SSC4D: variants seen among roughly 807,000 people sequenced by gnomAD.
SSC4D encodes the protein scavenger receptor cysteine-rich domain-containing group B protein.
Under a neutral mutation model 63.4 loss-of-function variants are expected in SSC4D, and 57 were observed. That is an observed-to-expected ratio of 0.90 (90% CI 0.73 to 1.12). The LOEUF is 1.12. SSC4D is among the 50% of genes most tolerant of loss of function. The pLI is 0.00. For synonymous variants in SSC4D, 352 were observed against 345.4 expected (o/e 1.02, Z -0.21); for missense variants, 791 against 806.4 (o/e 0.98, Z 0.23).
rs1804555193 is a variant in SSC4D at position 76,393,633 on chromosome 7, A to T, written c.1105T>A (p.Cys369Ser). 3 of 1,493,534 alleles carry T rather than the reference A, an allele frequency of 2.0e-6. No individual in the cohort carries two copies. The highest frequency in any genetic ancestry group is 2.7e-6 in the Non-Finnish European group (3 of 1,127,768). 92.5% of individuals were successfully genotyped at this position (1,493,534 alleles called of 1,614,324 possible). ...VLHAGGWGTV[C>S]DDDWDFADAR... The stretch of plus-strand genomic sequence containing the variant: ...TCCGCAAAGTCCCAGTCATCGTCGC[A>T]CACGGTGCCCCAGCCCCCGGCGTGC... The change falls in exon 9 of 11, where the codon TGC becomes AGC. Residue 369 changes from cysteine to serine, a missense_variant. Physicochemically the swap from Cys to Ser is moderately radical, Grantham distance 112 (BLOSUM62 -1). Coordinates refer to ENST00000275560, the MANE Select transcript of SSC4D (RefSeq NM_080744.2).
At chr7:76,396,268 A>T (rs1804637203) in intron 6 of SSC4D, among the ~76,000 whole-genome samples, 1 of 152,194 alleles carries the variant, frequency 6.6e-6, no homozygotes. Context: ...TCTCCATGAG[A>T]TACGCCCACT....
intron 7 of SSC4D, 144 bp from the exon 8 acceptor site, chr7:76,394,048 T>C (rs947251962): frequency 5.2e-6 from 4 of 764,784 alleles, no homozygotes; most frequent in Non-Finnish European, 8.1e-6. Context: ...CACCACGTTG[T>C]CTGGCGCGGG....
At chr7:76,400,870 G>A in intron 3 of SSC4D, 138 bp downstream of exon 3, 1 of 1,251,176 alleles carries the variant, frequency 8.0e-7, no homozygotes, top group Non-Finnish European at 1.1e-6. Context: ...GGAAAATGGG[G>A]AGACTACAGC....
At chr7:76,408,625 C>A (rs551527876) in intron 1 of SSC4D, among the ~76,000 whole-genome samples, 4 of 152,226 alleles carry the variant, frequency 2.6e-5, no homozygotes, top group African/African-American at 7.2e-5. Context: ...GGGAGAAGGA[C>A]CCCCGATCCT....
chr7:76,390,130 A>G lies in SSC4D; in HGVS notation c.1657T>C (p.Ser553Pro), dbSNP rs960685863. 1 of 1,614,038 alleles carries G rather than the reference A, an allele frequency of 6.2e-7. No homozygotes were observed. The highest frequency in any genetic ancestry group is 1.7e-5 in the Admixed American group (1 of 59,992). ...TTGTGGGCATCCCAGCGGATATGAG[A>G]GCAGAGCAGCAGAGCACTTTCTTCC... The part of the protein sequence containing the change: ...RGEESALLLC[S>P]HIRWDAHNCD... Residue 553 changes from serine to proline, a missense_variant, in exon 11 of 11, where the codon TCT becomes CCT. Physicochemically the swap from Ser to Pro is moderately conservative, Grantham distance 74. Transcript: ENST00000275560.
chr7:76,400,176 G>T, intron 4 of SSC4D, 110 bp downstream of exon 4: 1 of 1,229,726 alleles, frequency 8.1e-7, no homozygotes, highest in Non-Finnish European at 1.1e-6. Context: ...CCTCTGGCCT[G>T]ATCTGCATGG....
rs1313463360 is a variant in SSC4D, at chr7:76,389,337, T to C, written c.*722A>G. On this transcript the variant is annotated 3_prime_UTR_variant, in exon 11 of 11. Transcript: ENST00000275560. Reference sequence around the variant, plus strand: ...TGTGCTCAAACAGTGACTGCAGTTATAAGAGACGGGGGACAATGCTTTATT... The same window carrying C: ...TGTGCTCAAACAGTGACTGCAGTTACAAGAGACGGGGGACAATGCTTTATT... The C allele has an allele frequency of 6.5e-6, 1 of 152,800 alleles. No homozygotes were observed. The highest frequency in any genetic ancestry group is 2.1e-4 in the South Asian group (1 of 4,832). 9.5% of individuals were successfully genotyped at this position (152,800 alleles called of 1,614,324 possible). A position where few individuals can be genotyped will look rare whatever the true frequency, so the allele number is the denominator to read the frequency against.
At position 76,400,267 on chromosome 7, in the gene SSC4D, G is replaced by T. The variant is rs374554032; in HGVS notation, c.475+19C>A. The T allele has an allele frequency of 1.4e-6, 2 of 1,443,842 alleles. No individual in the cohort carries two copies. Among genetic ancestry groups the T allele is most frequent in the African/African-American group, 2.9e-5 (2 of 68,410 alleles). 89.4% of individuals were successfully genotyped at this position (1,443,842 alleles called of 1,614,324 possible). ...TGCCACAGTCTGTCTGTCCCTCCAG[G>T]TCCCAGGGCTCCACTCACCATCACA... On this transcript the variant is annotated intron_variant, in intron 4 of 10. Coordinates refer to ENST00000275560, the MANE Select transcript of SSC4D (RefSeq NM_080744.2).
chr7:76,405,339 C>CTTTCTTTCTTTCTTT (rs1271510975), intron 1 of SSC4D, among the ~76,000 whole-genome samples: 1 of 21,394 alleles, frequency 4.7e-5, no homozygotes, highest in Non-Finnish European at 8.0e-5. Flanking sequence ...TTCTTTCTTT[C>CTTTCTTTCTTTCTTT]TTTTTTTTTT....
At chr7:76,397,981 G>T (rs1227361590) in intron 5 of SSC4D, 149 bp from the exon 6 acceptor site, 2 of 818,182 alleles carry the variant, frequency 2.4e-6, no homozygotes, top group African/African-American at 1.8e-5. Context: ...GTCCAGACTG[G>T]GGGTAGCTTG....
chr7:76,397,407 C>T, intron 6 of SSC4D, 111 bp downstream of exon 6: 1 of 1,323,574 alleles, frequency 7.6e-7, no homozygotes, highest in African/African-American at 1.5e-5. Context: ...AGCATCAAGA[C>T]AGCCAAAACA....
Position 76,400,556 on chromosome 7 carries a change from C to T in SSC4D, c.205G>A (p.Gly69Ser). The part of the protein sequence containing the change: ...RLVGGPSRCR[G>S]RLEVMHGGSW... ...CCACCGTGCATGACTTCCAGGCGGC[C>T]CCGGCAGCGGCTGGGGCCCCCCACC... Residue 69 changes from glycine (G) to serine (S), a missense_variant, in exon 4 of 11, where the codon GGC (glycine) becomes AGC (serine). Coordinates refer to ENST00000275560, the MANE Select transcript of SSC4D (RefSeq NM_080744.2). 1 of 1,508,708 alleles carries T rather than the reference C, an allele frequency of 6.6e-7. No individual in the cohort carries two copies. Among genetic ancestry groups the T allele is most frequent in the Non-Finnish European group, 8.9e-7 (1 of 1,125,314 alleles). The allele number at this position is 1,508,708 out of a possible 1,614,324, so 93.5% of individuals were successfully genotyped here. A position where few individuals can be genotyped will look rare whatever the true frequency, so the allele number is the denominator to read the frequency against.
intron 1 of SSC4D, among the ~76,000 whole-genome samples, chr7:76,405,369 AG>A (rs1274998998): frequency 2.0e-5 from 1 of 49,244 alleles, no homozygotes; most frequent in Admixed American, 2.4e-4. Context: ...TTTGGTAGAG[AG>A]GGTGTTTCAC....
chr7:76,406,986 A>G (rs1160485922), intron 1 of SSC4D, among the ~76,000 whole-genome samples: 1 of 150,782 alleles, frequency 6.6e-6, no homozygotes, highest in Non-Finnish European at 1.5e-5. Context: ...TTGGAGACAG[A>G]GCCTCCCTCT....
At chr7:76,400,900 C>G (rs1804802304) in intron 3 of SSC4D, 108 bp downstream of exon 3, 5 of 1,436,956 alleles carry the variant, frequency 3.5e-6, no homozygotes, top group Non-Finnish European at 4.8e-6. Flanking sequence ...ATGGGGGCAT[C>G]TAGAGTCAAG....
chr7:76,405,348 T>TCTTTCTTTC (rs1471163670), intron 1 of SSC4D, among the ~76,000 whole-genome samples: 1 of 112,472 alleles, frequency 8.9e-6, no homozygotes, highest in African/African-American at 3.2e-5. Context: ...TCTTTTTTTT[T>TCTTTCTTTC]TTTTTTTTTT....
Position 76,400,384 on chromosome 7 carries a change from T to C in SSC4D, c.377A>G (p.Glu126Gly). ...GRGPILLDNV[E>G]CRGQEAALSE... ...CAGCGCAGCTTCCTGCCCGCGGCAC[T>C]CCACGTTGTCCAGCAGGATGGGGCC... The change falls in exon 4 of 11, where the codon GAG becomes GGG. Residue 126 changes from glutamate (E) to glycine (G), a missense_variant. Glu to Gly is a moderately conservative substitution (Grantham distance 98). Transcript: ENST00000275560. 6.3e-7 allele frequency: 1 copy of C among 1,594,586 alleles called. No homozygotes were observed. Among genetic ancestry groups the C allele is most frequent in the Non-Finnish European group, 8.6e-7 (1 of 1,167,200 alleles).
rs758093226 is a variant in SSC4D, at chr7:76,398,715, C to T, written c.553+5G>A. On this transcript the variant is annotated splice_donor_5th_base_variant and intron_variant, in intron 5 of 10. Transcript: ENST00000275560. The stretch of plus-strand genomic sequence containing the variant: ...CCAGGTGGTGCCCACATTATGCTTA[C>T]GTACTTTTTCCATTCGGCAGTGTCG... 16 of 1,612,668 alleles carry T rather than the reference C, an allele frequency of 9.9e-6. No individual in the cohort carries two copies. Among genetic ancestry groups the T allele is most frequent in the African/African-American group, 5.3e-5 (4 of 74,900 alleles).
chr7:76,393,995 A>G lies in SSC4D; in HGVS notation c.947-91T>C, dbSNP rs1172181351. ...ACGGGGACGCCTACCAAGACCCCCA[A>G]CCCTACCACACCCGTACCCCCACTC... is the stretch of plus-strand genomic sequence containing the variant. On this transcript the variant is annotated intron_variant, in intron 7 of 10. Coordinates refer to ENST00000275560, the MANE Select transcript of SSC4D (RefSeq NM_080744.2). The G allele has an allele frequency of 3.9e-6, 5 of 1,267,070 alleles. No homozygotes were observed. In the Admixed American group the frequency reaches 9.0e-5, roughly 23 times the overall value. 78.5% of individuals were successfully genotyped at this position (1,267,070 alleles called of 1,614,324 possible).
Sources: gnomAD v4.1 joint callset for allele counts (sites outside exome capture counted in the v4.1 genomes callset) on GRCh38, gnomAD v4.1.1 for gene constraint, MANE v1.5 for transcripts, NCBI Gene and HGNC (gene_info 2026-07-23, HGNC 2026-07-21) for gene names.